Variants in CHRM3 observed in about 807,000 individuals in gnomAD.
CHRM3 encodes the protein cholinergic receptor muscarinic 3, also known as muscarinic acetylcholine receptor M3.
CHRM3 carries 11 observed loss-of-function variants against 41.8 expected under a neutral mutation model. The observed-to-expected ratio is 0.26, with a 90% CI of 0.17 to 0.44. CHRM3 has a LOEUF of 0.44. Among genes scored for constraint, CHRM3 ranks in the 20% least tolerant of loss-of-function variants. The probability of loss-of-function intolerance (pLI) is 1.00; values close to 1 mark genes in which losing one functional copy is unlikely to be tolerated. For missense variants in CHRM3, 571 were observed against 745.4 expected (o/e 0.77, Z 2.72); for synonymous variants, 297 against 301.4 (o/e 0.99, Z 0.15).
At chr1:239,541,617 T>A (rs1658785453) in intron 2 of CHRM3, among the ~76,000 whole-genome samples, 1 of 152,118 alleles carries the variant, frequency 6.6e-6, no homozygotes, top group Non-Finnish European at 1.5e-5. Flanking sequence ...GCTCAGGTGA[T>A]CCTTCCACCT....
chr1:239,597,858 G>T (rs1164991174), intron 3 of CHRM3, among the ~76,000 whole-genome samples: 7 of 120,866 alleles, frequency 5.8e-5, no homozygotes, highest in Admixed American at 1.8e-4. Context: ...AACTGTCAGA[G>T]TTTTTTTTTT....
chr1:239,619,082 T>G (rs868090377), intron 3 of CHRM3, among the ~76,000 whole-genome samples: 9 of 151,148 alleles, frequency 6.0e-5, no homozygotes, highest in Middle Eastern at 3.4e-3. Context: ...GCCCAGCTAA[T>G]TTTTGTATTT....
chr1:239,738,841 T>C (rs1664607043), intron 5 of CHRM3, among the ~76,000 whole-genome samples: 1 of 152,200 alleles, frequency 6.6e-6, no homozygotes, highest in Non-Finnish European at 1.5e-5. Flanking sequence ...GTCCTGTATC[T>C]ATTCCTCTCC....
intron 2 of CHRM3, among the ~76,000 whole-genome samples, chr1:239,515,963 G>A (rs980950263): frequency 2.0e-5 from 3 of 152,132 alleles, no homozygotes; most frequent in East Asian, 1.9e-4. Context: ...TGGGATTGTA[G>A]GATATTATAC....
chr1:239,691,218 G>T (rs142899284), intron 5 of CHRM3, among the ~76,000 whole-genome samples: 193 of 152,216 alleles, frequency 1.3e-3, no homozygotes, highest in African/African-American at 4.5e-3. Context: ...AGATTTTCAG[G>T]AAGCAGCTGG....
At chr1:239,858,331 A>C (rs1450983349) in intron 6 of CHRM3, among the ~76,000 whole-genome samples, 1 of 152,098 alleles carries the variant, frequency 6.6e-6, no homozygotes, top group Non-Finnish European at 1.5e-5. Flanking sequence ...GCTCGGTTTT[A>C]GCTTTTATTG....
chr1:239,444,186 G>T (rs1425006834), intron 1 of CHRM3, among the ~76,000 whole-genome samples: 1 of 152,064 alleles, frequency 6.6e-6, no homozygotes, highest in Non-Finnish European at 1.5e-5. Context: ...CTTTGTTCAG[G>T]AGTCACGGAA....
intron 3 of CHRM3, among the ~76,000 whole-genome samples, chr1:239,599,844 A>G (rs929837164): frequency 1.3e-5 from 2 of 152,152 alleles, no homozygotes; most frequent in Non-Finnish European, 2.9e-5. Flanking sequence ...GAATGGTTGT[A>G]TGGGTACTCA....
intron 1 of CHRM3, among the ~76,000 whole-genome samples, chr1:239,486,441 A>G (rs183037035): frequency 5.4e-4 from 82 of 152,228 alleles, no homozygotes; most frequent in Non-Finnish European, 9.6e-4. Context: ...GCCTGCCCAT[A>G]CACACAAGAA....
At chr1:239,850,109 G>T (rs1674579956) in intron 6 of CHRM3, among the ~76,000 whole-genome samples, 1 of 152,060 alleles carries the variant, frequency 6.6e-6, no homozygotes, top group Non-Finnish European at 1.5e-5. Context: ...TTGACAGGAA[G>T]CCTACCAGTA....
chr1:239,502,900 G>A (rs1231218443), intron 2 of CHRM3, among the ~76,000 whole-genome samples: 1 of 152,058 alleles, frequency 6.6e-6, no homozygotes, highest in African/African-American at 2.4e-5. Flanking sequence ...AGCATACAAG[G>A]GATATACCTC....
intron 5 of CHRM3, among the ~76,000 whole-genome samples, chr1:239,763,858 G>A (rs1381650949): frequency 6.6e-6 from 1 of 151,720 alleles, no homozygotes; most frequent in African/African-American, 2.4e-5. Flanking sequence ...AACTTTGGGA[G>A]GCCTAAGAAG....
intron 1 of CHRM3, among the ~76,000 whole-genome samples, chr1:239,421,324 A>G (rs12123979): frequency 0.36 from 55,394 of 151,896 alleles, 10,333 homozygotes; most frequent in African/African-American, 0.41. Flanking sequence ...GGCCTCATAT[A>G]CCCATTTTAT....
At chr1:239,878,805 T>A (rs1022369352) in intron 6 of CHRM3, among the ~76,000 whole-genome samples, 5 of 152,052 alleles carry the variant, frequency 3.3e-5, no homozygotes, top group Admixed American at 2.0e-4. Context: ...CAGGTCAGTT[T>A]ACTCATTGCC....
At chr1:239,608,725 C>A (rs1050574573) in intron 3 of CHRM3, among the ~76,000 whole-genome samples, 3 of 152,076 alleles carry the variant, frequency 2.0e-5, no homozygotes, top group Non-Finnish European at 4.4e-5. Context: ...TTACTTAACT[C>A]TGGAGAAAAA....
At chr1:239,652,284 C>G (rs1003301237) in intron 4 of CHRM3, among the ~76,000 whole-genome samples, 3 of 152,112 alleles carry the variant, frequency 2.0e-5, no homozygotes, top group Non-Finnish European at 4.4e-5. Context: ...GACTCATGGG[C>G]ACATTAAAAT....
At chr1:239,492,466 C>G (rs946140571) in intron 1 of CHRM3, among the ~76,000 whole-genome samples, 7 of 152,192 alleles carry the variant, frequency 4.6e-5, no homozygotes, top group African/African-American at 1.7e-4. Flanking sequence ...CTAAATAGGA[C>G]TTACCCACTC....
intron 5 of CHRM3, among the ~76,000 whole-genome samples, chr1:239,738,183 C>G (rs548765886): frequency 4.8e-4 from 73 of 152,302 alleles, no homozygotes; most frequent in African/African-American, 1.7e-3. Flanking sequence ...ACTAAATTTT[C>G]TCTAATGGTA....
intron 1 of CHRM3, among the ~76,000 whole-genome samples, chr1:239,407,653 T>C (rs1219755041): frequency 6.6e-6 from 1 of 152,148 alleles, no homozygotes; most frequent in Non-Finnish European, 1.5e-5. Flanking sequence ...CAATAAATTA[T>C]AGCGTGGTAC....
Sources: allele counts gnomAD v4.1 joint callset (sites outside exome capture counted in the v4.1 genomes callset), GRCh38; gene constraint gnomAD v4.1.1; transcripts MANE v1.5; gene names NCBI Gene and HGNC (gene_info 2026-07-23, HGNC 2026-07-21).